The following CPQ variants were observed in gnomAD, a reference collection of about 807,000 sequenced individuals.
CPQ encodes the protein carboxypeptidase Q.
CPQ carries 37 observed loss-of-function variants against 45.7 expected under a neutral mutation model. The observed-to-expected ratio is 0.81, with a 90% CI of 0.62 to 1.07. CPQ has a LOEUF of 1.07. CPQ is among the 50% of genes least tolerant of loss of function. CPQ has a pLI of 0.00. For synonymous variants in CPQ, 186 were observed against 205.8 expected (o/e 0.90, Z 0.82); for missense variants, 537 against 572.9 (o/e 0.94, Z 0.64).
chr8:96,806,434 C>T (rs1254497128), intron 2 of CPQ, among the ~76,000 whole-genome samples: 1 of 152,086 alleles, frequency 6.6e-6, no homozygotes, highest in Non-Finnish European at 1.5e-5. Context: ...CCTAAAAAAT[C>T]TCTCCCACAG....
chr8:96,947,331 T>G (rs1813204220), intron 4 of CPQ, among the ~76,000 whole-genome samples: 1 of 152,178 alleles, frequency 6.6e-6, no homozygotes. Flanking sequence ...AGGTTTGTTA[T>G]GTACACCCTA....
At chr8:96,708,012 T>C (rs1809555635) in intron 1 of CPQ, among the ~76,000 whole-genome samples, 1 of 152,164 alleles carries the variant, frequency 6.6e-6, no homozygotes, top group South Asian at 2.1e-4. Flanking sequence ...AGGGCTGCTT[T>C]ATTTTCTGGA....
chr8:97,010,204 C>T (rs4354280), intron 5 of CPQ, among the ~76,000 whole-genome samples: 79,316 of 151,984 alleles, frequency 0.52, 21,892 homozygotes, highest in East Asian at 0.62. Context: ...CTGTGGTCTA[C>T]CTATGCCATT....
At chr8:96,728,955 AAAAC>A (rs1298117132) in intron 1 of CPQ, among the ~76,000 whole-genome samples, 9 of 152,188 alleles carry the variant, frequency 5.9e-5, no homozygotes, top group African/African-American at 7.2e-5. Context: ...AAGAGGAAAA[AAAAC>A]AAACAAACCT....
chr8:96,780,167 T>C (rs1317271959), intron 1 of CPQ, among the ~76,000 whole-genome samples: 1 of 152,174 alleles, frequency 6.6e-6, no homozygotes. Context: ...TTGACTTTGA[T>C]AGTAAGGGAG....
intron 1 of CPQ, among the ~76,000 whole-genome samples, chr8:96,656,388 G>A (rs1221298960): frequency 6.6e-6 from 1 of 152,180 alleles, no homozygotes; most frequent in Non-Finnish European, 1.5e-5. Context: ...GATTGGACAA[G>A]GTTGTAGGGT....
chr8:96,723,537 C>T (rs542810820), intron 1 of CPQ, among the ~76,000 whole-genome samples: 8 of 152,218 alleles, frequency 5.3e-5, no homozygotes, highest in South Asian at 2.1e-4. Flanking sequence ...AGAAGGCTTG[C>T]GTTGGATTCT....
intron 3 of CPQ, among the ~76,000 whole-genome samples, chr8:96,837,484 T>A (rs1480534464): frequency 6.6e-6 from 1 of 152,216 alleles, no homozygotes; most frequent in Non-Finnish European, 1.5e-5. Flanking sequence ...CCATGACTTC[T>A]TTCTCATGTT....
At chr8:97,015,631 G>A (rs1809566911) in intron 5 of CPQ, among the ~76,000 whole-genome samples, 2 of 151,934 alleles carry the variant, frequency 1.3e-5, no homozygotes, top group African/African-American at 4.8e-5. Flanking sequence ...CTTTTCTCAG[G>A]CATTGCTGGT....
At chr8:97,023,062 G>GTATAT (rs1563557195) in intron 5 of CPQ, among the ~76,000 whole-genome samples, 15 of 52,634 alleles carry the variant, frequency 2.8e-4, no homozygotes, top group African/African-American at 7.0e-4. Flanking sequence ...TGTATATATA[G>GTATAT]AAACTGTAGT....
intron 4 of CPQ, among the ~76,000 whole-genome samples, chr8:96,915,716 G>A (rs1364092070): frequency 6.6e-6 from 1 of 152,060 alleles, no homozygotes; most frequent in Non-Finnish European, 1.5e-5. Context: ...CTCTATTTCA[G>A]GATGCTCGGC....
intron 4 of CPQ, among the ~76,000 whole-genome samples, chr8:96,913,259 C>T (rs1321748789): frequency 6.6e-6 from 1 of 152,198 alleles, no homozygotes; most frequent in Non-Finnish European, 1.5e-5. Flanking sequence ...GGGCTGGCAG[C>T]ATTTTAAAAA....
In CPQ at chr8:97,029,377, A is replaced by G. The variant is rs781278646; in HGVS notation, c.962-26A>G. On this transcript the variant is annotated intron_variant, in intron 5 of 7. Transcript: ENST00000220763. ...AAAATTCAAAATCAACTAAAGTATC[A>G]CTTTTTTATTTTATTATTTTCCCAG... 65 of 1,553,636 alleles carry G rather than the reference A, an allele frequency of 4.2e-5. No individual in the cohort carries two copies. In the East Asian group the frequency reaches 1.4e-3, roughly 34 times the overall value.
At chr8:97,094,214 A>G (rs1811175110) in intron 7 of CPQ, among the ~76,000 whole-genome samples, 1 of 152,210 alleles carries the variant, frequency 6.6e-6, no homozygotes, top group African/African-American at 2.4e-5. Flanking sequence ...TCAAGTGTCA[A>G]GAAAGAATTG....
intron 5 of CPQ, among the ~76,000 whole-genome samples, chr8:96,975,477 A>G (rs1374465402): frequency 1.3e-5 from 2 of 152,046 alleles, no homozygotes; most frequent in African/African-American, 4.8e-5. Context: ...AACTCATTCT[A>G]TGAAGCCAGT....
intron 7 of CPQ, among the ~76,000 whole-genome samples, chr8:97,093,734 T>G (rs563131818): frequency 3.0e-4 from 46 of 152,292 alleles, no homozygotes; most frequent in Non-Finnish European, 6.0e-4. Flanking sequence ...CTTTCTGTAT[T>G]CTTTGTAAAG....
At chr8:96,817,587 C>A (rs1811245389) in intron 2 of CPQ, among the ~76,000 whole-genome samples, 1 of 151,632 alleles carries the variant, frequency 6.6e-6, no homozygotes, top group Non-Finnish European at 1.5e-5. Flanking sequence ...GCTTTCTTAT[C>A]ACTCACGTGT....
intron 1 of CPQ, among the ~76,000 whole-genome samples, chr8:96,705,872 T>G (rs1161972412): frequency 2.0e-5 from 3 of 152,090 alleles, no homozygotes; most frequent in Non-Finnish European, 4.4e-5. Flanking sequence ...ATGAAATACA[T>G]TTTTTTATCT....
At chr8:96,996,023 C>G (rs1461932203) in intron 5 of CPQ, among the ~76,000 whole-genome samples, 1 of 151,848 alleles carries the variant, frequency 6.6e-6, no homozygotes, top group Non-Finnish European at 1.5e-5. Flanking sequence ...AGAAGAGAAG[C>G]AGGCAAGTGA....
Sources: allele counts gnomAD v4.1 joint callset (sites outside exome capture counted in the v4.1 genomes callset), GRCh38; gene constraint gnomAD v4.1.1; transcripts MANE v1.5; gene names NCBI Gene and HGNC (gene_info 2026-07-23, HGNC 2026-07-21).